Variants in PVT1 observed in about 807,000 individuals in gnomAD.
PVT1 encodes Pvt1 oncogene.
At chr8:127,836,137 C>T (rs1167449306) in intron 2 of PVT1, among the ~76,000 whole-genome samples, 2 of 152,156 alleles carry the variant, frequency 1.3e-5, no homozygotes, top group African/African-American at 2.4e-5. Context: ...CTGAATTTCA[C>T]TGTGGCACCA....
intron 2 of PVT1, among the ~76,000 whole-genome samples, chr8:127,867,435 G>A (rs1055390473): frequency 1.1e-4 from 16 of 152,204 alleles, no homozygotes; most frequent in Non-Finnish European, 7.3e-5. Flanking sequence ...ACATTCCTCG[G>A]CAGTATCCCG....
At chr8:128,020,498 G>A (rs530590171) in intron 4 of PVT1, among the ~76,000 whole-genome samples, 1 of 152,336 alleles carries the variant, frequency 6.6e-6, no homozygotes, top group South Asian at 2.1e-4. Flanking sequence ...GGAGAGACTG[G>A]TTGCTAACGG....
At chr8:127,925,926 C>G (rs1270656041) in intron 3 of PVT1, among the ~76,000 whole-genome samples, 2 of 152,210 alleles carry the variant, frequency 1.3e-5, no homozygotes, top group Non-Finnish European at 2.9e-5. Context: ...CAGGCATGAG[C>G]CACCGTGCCC....
chr8:127,857,798 G>A (rs1036129932), intron 2 of PVT1, among the ~76,000 whole-genome samples: 1 of 152,214 alleles, frequency 6.6e-6, no homozygotes, highest in Non-Finnish European at 1.5e-5. Context: ...GCATTGCCTG[G>A]CACTTGGGAG....
At chr8:127,914,260 CAAAAAAAAAAAAAA>C (rs60359946) in intron 3 of PVT1, among the ~76,000 whole-genome samples, 22 of 47,864 alleles carry the variant, frequency 4.6e-4, no homozygotes, top group African/African-American at 1.2e-3. Context: ...CCACCAACAG[CAAAAAAAAAAAAAA>C]AAAAAAAAAA....
chr8:127,856,765 A>G (rs1476068192), intron 2 of PVT1, among the ~76,000 whole-genome samples: 1 of 152,250 alleles, frequency 6.6e-6, no homozygotes, highest in Non-Finnish European at 1.5e-5. Flanking sequence ...TAAGGAAATT[A>G]AGGTTTAGAG....
At chr8:128,015,523 C>T (rs1484463505) in intron 4 of PVT1, among the ~76,000 whole-genome samples, 1 of 151,972 alleles carries the variant, frequency 6.6e-6, no homozygotes, top group Non-Finnish European at 1.5e-5. Context: ...CGTCTGTAAC[C>T]CCAGCACTTT....
intron 3 of PVT1, chr8:127,948,561 A>T (rs1032272517): frequency 1.3e-5 from 2 of 153,728 alleles, no homozygotes; most frequent in Admixed American, 6.4e-5. Context: ...TCAGAACGTG[A>T]CTGTGTTCGG....
intron 2 of PVT1, among the ~76,000 whole-genome samples, chr8:127,867,134 C>G (rs1457685636): frequency 6.6e-6 from 1 of 152,258 alleles, no homozygotes; most frequent in African/African-American, 2.4e-5. Context: ...CTGCCTGCGG[C>G]CTTCCTCGGG....
chr8:127,820,865 T>C (rs1231767852), intron 2 of PVT1, among the ~76,000 whole-genome samples: 1 of 152,084 alleles, frequency 6.6e-6, no homozygotes. Flanking sequence ...TGCACCACCA[T>C]GCCTAACTAA....
At chr8:127,974,339 C>T (rs973672820) in intron 3 of PVT1, among the ~76,000 whole-genome samples, 1 of 152,132 alleles carries the variant, frequency 6.6e-6, no homozygotes, top group Non-Finnish European at 1.5e-5. Context: ...TCCAGTTCCC[C>T]AGAGTTTTAT....
chr8:127,906,696 G>A (rs7844487), intron 3 of PVT1, among the ~76,000 whole-genome samples: 19,343 of 151,986 alleles, frequency 0.13, 3,814 homozygotes, highest in African/African-American at 0.42. Flanking sequence ...GTTTCCATGC[G>A]TTCTGTCAGA....
At chr8:127,911,603 G>A (rs142292668) in intron 3 of PVT1, among the ~76,000 whole-genome samples, 1 of 152,178 alleles carries the variant, frequency 6.6e-6, no homozygotes, top group East Asian at 1.9e-4. Flanking sequence ...TCTCATCCTC[G>A]CTACCACCCC....
At chr8:128,059,395 G>A (rs1813803342) in intron 4 of PVT1, among the ~76,000 whole-genome samples, 1 of 152,076 alleles carries the variant, frequency 6.6e-6, no homozygotes, top group South Asian at 2.1e-4. Context: ...GGCCAAATCT[G>A]TGCCCACCAC....
chr8:127,859,178 G>A (rs1267658321), intron 2 of PVT1, among the ~76,000 whole-genome samples: 2 of 151,976 alleles, frequency 1.3e-5, no homozygotes, highest in African/African-American at 4.8e-5. Context: ...ACCTTCTTAT[G>A]CTTGTCTGTA....
chr8:127,891,366 A>G (rs1000665560), intron 3 of PVT1, among the ~76,000 whole-genome samples: 1 of 152,218 alleles, frequency 6.6e-6, no homozygotes, highest in Non-Finnish European at 1.5e-5. Flanking sequence ...GGGAGATTCA[A>G]TGGAAAGATA....
chr8:127,813,248 AAT>A (rs1294731174), intron 2 of PVT1, among the ~76,000 whole-genome samples: 4 of 141,270 alleles, frequency 2.8e-5, no homozygotes, highest in African/African-American at 7.9e-5. Context: ...ATAATATACA[AAT>A]ATATATAATA....
At chr8:128,011,631 T>A (rs78787918) in intron 4 of PVT1, among the ~76,000 whole-genome samples, 2,484 of 152,322 alleles carry the variant, frequency 0.016, 67 homozygotes, top group African/African-American at 0.056. Context: ...AGTCTATTAT[T>A]GCCTTCCAAA....
chr8:127,997,044 G>GTTTTTTTTTTTTTTT (rs1293036762), intron 4 of PVT1, among the ~76,000 whole-genome samples: 10 of 81,596 alleles, frequency 1.2e-4, no homozygotes, highest in South Asian at 5.1e-4. Flanking sequence ...ATTTGCTTTC[G>GTTTTTTTTTTTTTTT]TTTTTTTTTT....
Sources: allele counts gnomAD v4.1 joint callset (sites outside exome capture counted in the v4.1 genomes callset), GRCh38; gene constraint gnomAD v4.1.1; transcripts MANE v1.5; gene names NCBI Gene and HGNC (gene_info 2026-07-23, HGNC 2026-07-21).